The following TACC1 variants were observed in gnomAD, a reference collection of about 807,000 sequenced individuals.
TACC1 encodes transforming acidic coiled-coil containing protein 1, also known as transforming acidic coiled-coil-containing protein 1.
In TACC1, 48 loss-of-function variants were observed where a neutral mutation model predicts 84.4. The ratio of observed to expected loss-of-function variants is 0.57; its 90% CI spans 0.45 to 0.72. TACC1 has a LOEUF of 0.72. Among genes scored for constraint, TACC1 ranks in the 30% least tolerant of loss-of-function variants. The pLI, the probability that TACC1 is intolerant of heterozygous loss-of-function variation, is 0.00. For missense variants in TACC1, 920 were observed against 973.0 expected, an observed-to-expected ratio of 0.95 and a Z score of 0.72; for synonymous variants, 372 against 376.3, an observed-to-expected ratio of 0.99 and a Z score of 0.13.
intron 2 of TACC1, among the ~76,000 whole-genome samples, chr8:38,806,163 G>C (rs1383047802): frequency 6.6e-6 from 1 of 152,168 alleles, no homozygotes; most frequent in African/African-American, 2.4e-5. Flanking sequence ...TGGGTTCCCT[G>C]TCTGACTTCT....
In TACC1 at chr8:38,847,941, C is replaced by A; in HGVS notation, c.2350-14C>A. The A allele has an allele frequency of 6.2e-7, 1 of 1,612,436 alleles. No homozygotes were observed. On this transcript the variant is annotated splice_polypyrimidine_tract_variant and intron_variant, in intron 12 of 12. Coordinates refer to ENST00000317827, the MANE Select transcript of TACC1 (RefSeq NM_006283.3). ...TACAAAGTGGCCTGCATAATTATGT[C>A]ATTTGTCTTTCAGAACCAAGAAATT...
intron 1 of TACC1, among the ~76,000 whole-genome samples, chr8:38,733,388 C>T (rs1805350892): frequency 6.6e-6 from 1 of 151,862 alleles, no homozygotes; most frequent in Admixed American, 6.6e-5. Context: ...TGAATTCATA[C>T]ACTGGTGCAG....
intron 3 of TACC1, among the ~76,000 whole-genome samples, chr8:38,776,630 C>A (rs1306911369): frequency 2.0e-5 from 3 of 152,164 alleles, no homozygotes; most frequent in Non-Finnish European, 4.4e-5. Context: ...AAAGTTTTGA[C>A]TGTGTTTTGA....
intron 3 of TACC1, among the ~76,000 whole-genome samples, chr8:38,746,638 C>T (rs2151714498): frequency 6.6e-6 from 1 of 152,202 alleles, no homozygotes; most frequent in Non-Finnish European, 1.5e-5. Flanking sequence ...TTTACTCTTT[C>T]CTTTAACATG....
At chr8:38,800,100 C>T (rs962985299) in intron 2 of TACC1, among the ~76,000 whole-genome samples, 7 of 152,332 alleles carry the variant, frequency 4.6e-5, no homozygotes, top group African/African-American at 1.7e-4. Context: ...GGTTGAGGCT[C>T]CAGTGAGCCG....
intron 2 of TACC1, among the ~76,000 whole-genome samples, chr8:38,806,741 G>C (rs986440722): frequency 6.6e-6 from 1 of 152,078 alleles, no homozygotes; most frequent in Non-Finnish European, 1.5e-5. Flanking sequence ...TGGAATATGC[G>C]GTTCTCTTCT....
At chr8:38,784,090 C>T (rs1816662232), upstream of TACC1, among the ~76,000 whole-genome samples, 1 of 152,130 alleles carries the variant, frequency 6.6e-6, no homozygotes, top group Admixed American at 6.5e-5. Flanking sequence ...ACTGACAGGG[C>T]TAGAGTGTTC....
At chr8:38,748,100 C>A (rs1271606108) in intron 3 of TACC1, among the ~76,000 whole-genome samples, 1 of 151,378 alleles carries the variant, frequency 6.6e-6, no homozygotes, top group Non-Finnish European at 1.5e-5. Context: ...AGAAGGAAAC[C>A]AAATATAGAT....
intron 3 of TACC1, among the ~76,000 whole-genome samples, chr8:38,745,773 AC>A (rs1807973199): frequency 6.6e-6 from 1 of 151,762 alleles, no homozygotes; most frequent in Admixed American, 6.6e-5. Flanking sequence ...TAAACTCCTG[AC>A]CTCAGGTGAT....
intron 3 of TACC1, among the ~76,000 whole-genome samples, chr8:38,777,423 T>C (rs1429705938): frequency 2.6e-5 from 4 of 152,106 alleles, no homozygotes; most frequent in Non-Finnish European, 5.9e-5. Flanking sequence ...ACAGCAGAAG[T>C]TGTGACACGC....
intron 11 of TACC1, among the ~76,000 whole-genome samples, chr8:38,843,998 C>A (rs1831751101): frequency 1.3e-5 from 2 of 152,000 alleles, no homozygotes; most frequent in Admixed American, 6.6e-5. Context: ...CAGATTGGCC[C>A]CATTAGACTT....
intron 3 of TACC1, among the ~76,000 whole-genome samples, chr8:38,756,840 G>A (rs1422279120): frequency 4.0e-5 from 6 of 151,412 alleles, no homozygotes; most frequent in Non-Finnish European, 7.4e-5. Context: ...GGCCGCCTGG[G>A]TCCCCTGACC....
intron 2 of TACC1, among the ~76,000 whole-genome samples, chr8:38,813,829 A>G (rs1282753638): frequency 6.6e-6 from 1 of 152,154 alleles, no homozygotes; most frequent in Non-Finnish European, 1.5e-5. Context: ...TGTGCACTTT[A>G]GTTTGAATAC....
In TACC1 at chr8:38,827,170, T is replaced by G. The variant is rs372972306; in HGVS notation, c.1455T>G (p.Asp485Glu). Residue 485 changes from aspartate (D) to glutamate (E), a missense_variant and splice_region_variant, in exon 5 of 13, where the codon GAT (aspartate) becomes GAG (glutamate). By Grantham distance (45) the Asp-to-Glu change is conservative. Around this residue, in one of 2 missense-constraint regions of TACC1, gnomAD observed 762 missense variants for 747.3 expected, o/e 1.02. Coordinates refer to ENST00000317827, the MANE Select transcript of TACC1 (RefSeq NM_006283.3). ...QSLALDACSR[D>E]EGAVISQISD... ...ATCTTCTCTGTTGTGTTTCTCAGGA[T>G]GAAGGGGCAGTGATCTCCCAGATTT... The G allele has an allele frequency of 4.3e-6, 7 of 1,613,124 alleles. No homozygotes were observed. The highest frequency in any genetic ancestry group is 3.4e-6 in the Non-Finnish European group (4 of 1,179,760).
chr8:38,800,437 C>T (rs1178086966), intron 2 of TACC1, among the ~76,000 whole-genome samples: 1 of 152,122 alleles, frequency 6.6e-6, no homozygotes, highest in African/African-American at 2.4e-5. Flanking sequence ...CACCACCAGT[C>T]CTAGGTAACT....
At chr8:38,758,678 CAAAAAAAAAAAA>C (rs773304871) in intron 3 of TACC1, among the ~76,000 whole-genome samples, 2 of 26,084 alleles carry the variant, frequency 7.7e-5, no homozygotes, top group East Asian at 2.5e-3. Flanking sequence ...GACTCCATCT[CAAAAAAAAAAAA>C]AAAAAAAAAA....
intron 3 of TACC1, among the ~76,000 whole-genome samples, chr8:38,755,159 C>CAAAAAAAAA (rs35992046): frequency 1.4e-5 from 1 of 72,348 alleles, no homozygotes; most frequent in African/African-American, 5.4e-5. Context: ...GACTCCATCT[C>CAAAAAAAAA]AAAAAAAAAA....
intron 6 of TACC1, among the ~76,000 whole-genome samples, chr8:38,833,747 A>G (rs1338253109): frequency 6.6e-6 from 1 of 152,174 alleles, no homozygotes; most frequent in East Asian, 1.9e-4. Context: ...GAAGATTTTT[A>G]GGGGGCGTAT....
chr8:38,852,043 G>A lies in TACC1; in HGVS notation c.*4020G>A. On this transcript the variant is annotated 3_prime_UTR_variant, in exon 13 of 13. Transcript: ENST00000317827. ...TGATGTAACAGACTCTCCTCTCAAAGGATCTCCTCTGGAAGAGACTATCAG... is the reference window on the plus strand; with the variant it reads ...TGATGTAACAGACTCTCCTCTCAAAAGATCTCCTCTGGAAGAGACTATCAG... The A allele has an allele frequency of 2.2e-6, 1 of 449,924 alleles. No individual in the cohort carries two copies. The highest frequency in any genetic ancestry group is 1.6e-5 in the South Asian group (1 of 63,540). The allele number at this position is 449,924 out of a possible 1,614,324, so 27.9% of individuals were successfully genotyped here.
Sources: gnomAD v4.1 joint callset for allele counts (sites outside exome capture counted in the v4.1 genomes callset) on GRCh38, gnomAD v4.1.1 for gene constraint, gnomAD v4.1.1 regional missense constraint, MANE v1.5 for transcripts, NCBI Gene and HGNC (gene_info 2026-07-23, HGNC 2026-07-21) for gene names.